Variants in ATP11A observed in about 807,000 individuals in gnomAD.
ATP11A encodes ATPase phospholipid transporting 11A, also known as phospholipid-transporting ATPase IH.
A neutral mutation model predicts 154.4 loss-of-function variants in ATP11A; 81 were observed. That is an observed-to-expected ratio of 0.52 (90% CI 0.44 to 0.63). ATP11A has a LOEUF of 0.63. Among genes scored for constraint, ATP11A ranks in the 30% least tolerant of loss-of-function variants. The pLI, the probability that ATP11A is intolerant of heterozygous loss-of-function variation, is 0.00. For synonymous variants in ATP11A, 623 were observed against 585.9 expected (o/e 1.06, Z -0.91); for missense variants, 1,316 against 1,474.3 (o/e 0.89, Z 1.76).
Position 112,855,995 on chromosome 13 carries a change from T to G in ATP11A, c.2328T>G (p.Ser776Arg), listed in dbSNP as rs763028020. ...SLIMKPREDG[S>R]SGNYRELFLE... ...TAATGAAGCCTCGAGAAGACGGGAGTTCCGGCAACTACAGGGAGCTCTTCC... is the reference window on the plus strand; with the variant it reads ...TAATGAAGCCTCGAGAAGACGGGAGGTCCGGCAACTACAGGGAGCTCTTCC... The change falls in exon 20 of 30, where the codon AGT becomes AGG. Residue 776 changes from serine (S) to arginine (R), a missense_variant. Physicochemically the swap from Ser to Arg is moderately radical, Grantham distance 110 (BLOSUM62 -1). Transcript: ENST00000375645. 6 of 1,614,014 alleles carry G rather than the reference T, an allele frequency of 3.7e-6. No individual in the cohort carries two copies. The East Asian group carries it at 1.3e-4, about 36-fold the overall frequency.
At position 112,819,325 on chromosome 13, in the gene ATP11A, A is replaced by G; in HGVS notation, c.592A>G (p.Thr198Ala). 2.5e-6 allele frequency: 4 copies of G among 1,614,240 alleles called. No individual in the cohort carries two copies. Among genetic ancestry groups the G allele is most frequent in the Non-Finnish European group, 3.4e-6 (4 of 1,180,038 alleles). ...GTAGACGCATTACGCGGTCCAGGAC[A>G]CCAAAGGCTTCCACACAGAGGAGGA... ...SHKTHYAVQD[T>A]KGFHTEEDIG... The change falls in exon 7 of 30, where the codon ACC (threonine) becomes GCC (alanine). Residue 198 changes from threonine to alanine, a missense_variant. Around this residue, in one of 5 missense-constraint regions of ATP11A, gnomAD observed 876 missense variants for 1,006.8 expected, o/e 0.87. Transcript: ENST00000375645.
intron 27 of ATP11A, among the ~76,000 whole-genome samples, chr13:112,874,346 G>A (rs555037319): frequency 2.0e-5 from 3 of 152,232 alleles, no homozygotes; most frequent in African/African-American, 7.2e-5. Context: ...ATCCTGGCTC[G>A]AGGCTGTCGT....
At chr13:112,797,309 A>G (rs1317582275) in intron 2 of ATP11A, among the ~76,000 whole-genome samples, 1 of 147,040 alleles carries the variant, frequency 6.8e-6, no homozygotes, top group East Asian at 2.0e-4. Context: ...AAAAAAAGGT[A>G]AACCATATAT....
Position 112,859,763 on chromosome 13 carries a change from T to G in ATP11A, c.2727+311T>G, listed in dbSNP as rs2080045795. ...GCTGGGCTGGGCATCCTGATGCCACTGCAAGAATTAACTCCAACTCGAGGT... is the reference window on the plus strand; with the variant it reads ...GCTGGGCTGGGCATCCTGATGCCACGGCAAGAATTAACTCCAACTCGAGGT... On this transcript the variant is annotated intron_variant, in intron 23 of 29. Coordinates refer to ENST00000375645, the MANE Select transcript of ATP11A (RefSeq NM_015205.3). This position sits in a 1 kb window ranked among gnomAD's most constrained non-coding sequence, Gnocchi z 4.3. Among the ~76,000 whole-genome samples, 1 of 152,222 alleles carries G rather than the reference T, an allele frequency of 6.6e-6. No individual in the cohort carries two copies. The highest frequency in any genetic ancestry group is 1.5e-5 in the Non-Finnish European group (1 of 68,036).
chr13:112,822,626 A>G (rs1270729782), intron 8 of ATP11A, among the ~76,000 whole-genome samples: 1 of 151,990 alleles, frequency 6.6e-6, no homozygotes, highest in African/African-American at 2.4e-5. Flanking sequence ...GGGATGCCCA[A>G]CTGTAATCTC....
rs1181315087 is a variant in ATP11A at position 112,875,847 on chromosome 13, C to T, written c.3233C>T (p.Ala1078Val). Residue 1078 changes from alanine to valine, a missense_variant, in exon 28 of 30, where the codon GCC becomes GTC. Ala to Val is a moderately conservative substitution (Grantham distance 64, BLOSUM62 0). Coordinates refer to ENST00000375645, the MANE Select transcript of ATP11A (RefSeq NM_015205.3). The surrounding 1 kb of genome is among the most constrained non-coding windows in gnomAD (Gnocchi z 4.1). ...QMLSSGPAWL[A>V]IVLLVTISLL... ...CTGTCCAGCGGGCCCGCCTGGCTGG[C>T]CATCGTGCTGCTGGTGACCATCAGC... 3 of 1,613,952 alleles carry T rather than the reference C, an allele frequency of 1.9e-6. No individual in the cohort carries two copies. Among genetic ancestry groups the T allele is most frequent in the South Asian group, 1.1e-5 (1 of 91,088 alleles).
At chr13:112,811,855 C>G (rs2078510717) in intron 5 of ATP11A, 1 of 152,238 alleles carries the variant, frequency 6.6e-6, no homozygotes, top group South Asian at 2.1e-4. Flanking sequence ...ATCCGCCTGC[C>G]TTGGCCTCCC....
At chr13:112,822,760 A>G (rs2078831610) in intron 8 of ATP11A, among the ~76,000 whole-genome samples, 1 of 151,706 alleles carries the variant, frequency 6.6e-6, no homozygotes, top group African/African-American at 2.4e-5. Flanking sequence ...AAAAAAAAAA[A>G]AGGAAACAGT....
At chr13:112,755,917 G>T (rs113179113) in intron 1 of ATP11A, among the ~76,000 whole-genome samples, 1 of 111,646 alleles carries the variant, frequency 9.0e-6, no homozygotes, top group East Asian at 2.6e-4. Context: ...CGTCACGGAA[G>T]CGGCACTCAG....
chr13:112,815,066 T>A (rs540471703), intron 5 of ATP11A, among the ~76,000 whole-genome samples: 5 of 152,296 alleles, frequency 3.3e-5, no homozygotes, highest in African/African-American at 1.2e-4. Context: ...CTGGCATGCC[T>A]CCCGAGTGGC....
intron 1 of ATP11A, among the ~76,000 whole-genome samples, chr13:112,710,551 CAG>C (rs1223839867): frequency 6.6e-6 from 1 of 152,204 alleles, no homozygotes; most frequent in Non-Finnish European, 1.5e-5. Flanking sequence ...CGGGAGAAGA[CAG>C]GGCTCCAGGA....
At chr13:112,852,126 G>A (rs1346800522) in intron 18 of ATP11A, among the ~76,000 whole-genome samples, 3 of 152,160 alleles carry the variant, frequency 2.0e-5, no homozygotes, top group African/African-American at 7.2e-5. Context: ...TCCACATGGT[G>A]CCTTCCGAGC....
Position 112,854,540 on chromosome 13 carries a change from G to C in ATP11A, c.2243+10G>C. ...GAGACAACCTGTCCGGGTAGGCAGC[G>C]CGTCCCCGCCCCCACCCCCACACTC... On this transcript the variant is annotated intron_variant, in intron 19 of 29. Transcript: ENST00000375645. The C allele has an allele frequency of 6.2e-7, 1 of 1,601,152 alleles. No individual in the cohort carries two copies. Among genetic ancestry groups the C allele is most frequent in the Non-Finnish European group, 8.5e-7 (1 of 1,176,760 alleles).
At chr13:112,805,757 A>G (rs1173824769) in intron 3 of ATP11A, among the ~76,000 whole-genome samples, 1 of 152,222 alleles carries the variant, frequency 6.6e-6, no homozygotes, top group Non-Finnish European at 1.5e-5. Context: ...AAGGAAAGAA[A>G]AAAAAGAGTG....
chr13:112,718,934 C>G (rs557848271), intron 1 of ATP11A, among the ~76,000 whole-genome samples: 2 of 152,300 alleles, frequency 1.3e-5, no homozygotes, highest in East Asian at 3.9e-4. Context: ...CCCGCCTTGC[C>G]CTCCCAAAGT....
chr13:112,745,351 C>T (rs1892011329), intron 1 of ATP11A: 2 of 152,256 alleles, frequency 1.3e-5, no homozygotes, highest in South Asian at 4.1e-4. Context: ...AGGCGTGAGC[C>T]ACCGCCCCAG....
chr13:112,818,234 C>T (rs374365138), intron 6 of ATP11A, among the ~76,000 whole-genome samples: 9 of 148,988 alleles, frequency 6.0e-5, no homozygotes, highest in African/African-American at 1.8e-4. Flanking sequence ...GGTGACGGGG[C>T]GGTGACCGTT....
chr13:112,856,375 TC>T, intron 20 of ATP11A: 1 of 211,794 alleles, frequency 4.7e-6, no homozygotes. Flanking sequence ...GCTATCTCAA[TC>T]ACTCCTGAGA....
At chr13:112,707,771 T>C (rs1036870383) in intron 1 of ATP11A, among the ~76,000 whole-genome samples, 3 of 152,166 alleles carry the variant, frequency 2.0e-5, no homozygotes, top group Admixed American at 6.5e-5. Flanking sequence ...GTGGATCTTA[T>C]ATGACAACCA....
Sources: gnomAD v4.1 joint callset for allele counts (sites outside exome capture counted in the v4.1 genomes callset) on GRCh38, gnomAD v4.1.1 for gene constraint, gnomAD v4.1.1 regional missense constraint, Gnocchi (gnomAD v3.1) non-coding constraint, MANE v1.5 for transcripts, NCBI Gene and HGNC (gene_info 2026-07-23, HGNC 2026-07-21) for gene names.